Variants in TNRC6B observed in about 807,000 individuals in gnomAD.
TNRC6B encodes trinucleotide repeat containing adaptor 6B.
TNRC6B carries 52 observed loss-of-function variants against 203.6 expected under a neutral mutation model. The observed-to-expected ratio is 0.26, with a 90% CI of 0.20 to 0.32. TNRC6B has a LOEUF of 0.32. TNRC6B is among the 10% of genes least tolerant of loss of function. The pLI is 1.00. For missense variants in TNRC6B, 1,923 were observed against 2,286.2 expected, an observed-to-expected ratio of 0.84 and a Z score of 3.24; for synonymous variants, 838 against 845.7, an observed-to-expected ratio of 0.99 and a Z score of 0.16.
intron 1 of TNRC6B, among the ~76,000 whole-genome samples, chr22:40,182,012 G>A (rs1272366083): frequency 6.6e-6 from 1 of 151,510 alleles, no homozygotes; most frequent in Non-Finnish European, 1.5e-5. Context: ...TTGGGAGGTC[G>A]AGGTGAGTGG....
intron 18 of TNRC6B, 69 bp downstream of exon 18, chr22:40,312,720 A>G (rs2071202256): frequency 7.7e-6 from 12 of 1,552,518 alleles, no homozygotes; most frequent in Non-Finnish European, 1.0e-5. Context: ...TTGTGACTTC[A>G]TTTGTACTTG....
At chr22:40,185,988 T>C (rs1255214261) in intron 1 of TNRC6B, among the ~76,000 whole-genome samples, 1 of 152,046 alleles carries the variant, frequency 6.6e-6, no homozygotes, top group African/African-American at 2.4e-5. Context: ...GCAATGGAAC[T>C]GGTTAGCAGG....
intron 1 of TNRC6B, among the ~76,000 whole-genome samples, chr22:40,072,460 T>G (rs1312257293): frequency 6.6e-6 from 1 of 152,208 alleles, no homozygotes; most frequent in African/African-American, 2.4e-5. Flanking sequence ...TCACGATGCA[T>G]TTAAACATGA....
rs113058620 is a variant in TNRC6B, at chr22:40,193,858, C to CA, written c.5+15728dup. Among the ~76,000 whole-genome samples the CA allele has an allele frequency of 3.3e-4, 47 of 144,512 alleles. 2 individuals carry two copies. The highest frequency in any genetic ancestry group is 1.6e-3 in the South Asian group (7 of 4,450). The allele number at this position is 144,512 out of a possible 152,430, so 94.8% of individuals were successfully genotyped here. A position where few individuals can be genotyped will look rare whatever the true frequency, so the allele number is the denominator to read the frequency against. ...ATGTGGAACAGCGCCACCCACCCTC[C>CA]AAAAAAAAAAGAAAGACTGCAAAGA... On this transcript the variant is annotated intron_variant, in intron 1 of 22. Transcript: ENST00000454349.
At chr22:40,156,040 G>C in intron 3 of TNRC6B, 3 of 1,367,570 alleles carry the variant, frequency 2.2e-6, no homozygotes, top group Non-Finnish European at 3.1e-6. Flanking sequence ...TTCTGCACAG[G>C]GCAGGTGTGG....
chr22:40,120,825 A>C (rs1360359367), intron 2 of TNRC6B, among the ~76,000 whole-genome samples: 1 of 152,172 alleles, frequency 6.6e-6, no homozygotes, highest in East Asian at 1.9e-4. Flanking sequence ...GCAGATTTTT[A>C]ATACTGAACT....
intron 15 of TNRC6B, among the ~76,000 whole-genome samples, chr22:40,307,608 G>A (rs1186406088): frequency 2.0e-5 from 3 of 152,082 alleles, no homozygotes; most frequent in East Asian, 3.9e-4. Flanking sequence ...CTCCAGCTCT[G>A]TGCAGTGGGA....
intron 1 of TNRC6B, among the ~76,000 whole-genome samples, chr22:40,109,045 G>T (rs1216178765): frequency 6.8e-6 from 1 of 147,736 alleles, no homozygotes; most frequent in African/African-American, 2.5e-5. Context: ...TTGATTTTCT[G>T]TTCCTGCATT....
At chr22:40,245,148 T>C (rs1312472922) in intron 1 of TNRC6B, among the ~76,000 whole-genome samples, 2 of 152,130 alleles carry the variant, frequency 1.3e-5, no homozygotes, top group Non-Finnish European at 2.9e-5. Flanking sequence ...TGGAGTGCAG[T>C]GGCACTATCT....
At chr22:40,057,547 A>G (rs1357741383) in intron 1 of TNRC6B, among the ~76,000 whole-genome samples, 3 of 152,234 alleles carry the variant, frequency 2.0e-5, no homozygotes, top group African/African-American at 7.2e-5. Context: ...CAGCCTCCCA[A>G]AGTGCTGGGA....
chr22:40,212,939 C>T (rs940487079), intron 1 of TNRC6B, among the ~76,000 whole-genome samples: 28 of 152,116 alleles, frequency 1.8e-4, no homozygotes, highest in Admixed American at 6.5e-4. Flanking sequence ...CGTGAGCCAC[C>T]GCCGCGCCTG....
chr22:40,258,808 C>G (rs1174943298), intron 3 of TNRC6B, among the ~76,000 whole-genome samples: 5 of 152,186 alleles, frequency 3.3e-5, no homozygotes, highest in African/African-American at 1.2e-4. Context: ...ATACGTGATA[C>G]CTACCAAATT....
chr22:40,083,212 C>T (rs2068074883), intron 1 of TNRC6B, among the ~76,000 whole-genome samples: 1 of 152,106 alleles, frequency 6.6e-6, no homozygotes, highest in African/African-American at 2.4e-5. Flanking sequence ...GAGTGTGGTG[C>T]CCTAGAAGCT....
chr22:40,126,850 C>CA (rs2068498395), intron 3 of TNRC6B, among the ~76,000 whole-genome samples: 1 of 151,176 alleles, frequency 6.6e-6, no homozygotes, highest in Admixed American at 6.6e-5. Context: ...CTAGGTCTTC[C>CA]AAAGTACTGG....
intron 21 of TNRC6B, among the ~76,000 whole-genome samples, chr22:40,316,273 G>C (rs1336777081): frequency 6.6e-6 from 1 of 151,666 alleles, no homozygotes; most frequent in East Asian, 1.9e-4. Flanking sequence ...ATAACGGCGT[G>C]AACCCGGGAG....
Position 40,266,513 on chromosome 22 carries a change from G to A in TNRC6B, c.2283G>A (p.Trp761Ter). The A allele has an allele frequency of 6.2e-7, 1 of 1,613,814 alleles. No individual in the cohort carries two copies. ...EEVDQTKNSNWESSASKPVSG... is the reference protein window; with the variant it reads ...EEVDQTKNSN ...TCGATCAGACAAAAAACAGCAATTG[G>A]GAAAGTTCTGCAAGTAAACCTGTGT... is the stretch of plus-strand genomic sequence containing the variant. Residue 761 changes from tryptophan to a stop codon, truncating the protein, a stop_gained, in exon 5 of 23, where the codon TGG (tryptophan) becomes TGA (stop). Transcript: ENST00000454349. LOFTEE classifies it high-confidence loss of function.
At chr22:40,181,443 C>T (rs1207391003) in intron 1 of TNRC6B, among the ~76,000 whole-genome samples, 1 of 152,126 alleles carries the variant, frequency 6.6e-6, no homozygotes, top group Admixed American at 6.5e-5. Context: ...AATCATTGAT[C>T]ATCTGCAGTT....
Position 40,261,995 on chromosome 22 carries a change from G to A in TNRC6B, c.279G>A (p.Pro93=), listed in dbSNP as rs79111570. The part of the protein sequence containing the change: ...AARYMPREVP[P]RFRCQQDHKV... Reference sequence around the variant, plus strand: ...GCTACATGCCTCGGGAGGTGCCGCCGCGATTCCGTTGCCAGCAGGACCACA... The same window carrying A: ...GCTACATGCCTCGGGAGGTGCCGCCACGATTCCGTTGCCAGCAGGACCACA... The change falls in exon 4 of 23, where the codon CCG becomes CCA. Residue 93 remains proline (P), a synonymous_variant. Transcript: ENST00000454349. 1.1e-4 allele frequency: 185 copies of A among 1,610,570 alleles called. 1 individual carries two copies. The East Asian group carries it at 1.2e-3, about 10-fold the overall frequency.
chr22:40,287,289 A>G (rs1229028350), intron 12 of TNRC6B, among the ~76,000 whole-genome samples: 1 of 152,236 alleles, frequency 6.6e-6, no homozygotes, highest in East Asian at 1.9e-4. Context: ...GATGACAGGC[A>G]TGAACCACCG....
Sources: gnomAD v4.1 joint callset for allele counts (sites outside exome capture counted in the v4.1 genomes callset) on GRCh38, gnomAD v4.1.1 for gene constraint, MANE v1.5 for transcripts, NCBI Gene and HGNC (gene_info 2026-07-23, HGNC 2026-07-21) for gene names.